Variants in SYT1 observed in about 807,000 individuals in gnomAD.
SYT1 encodes synaptotagmin 1, also known as synaptotagmin-1.
Under a neutral mutation model 44.8 loss-of-function variants are expected in SYT1, and 8 were observed. The observed-to-expected ratio is 0.18, with a 90% CI of 0.10 to 0.32. The LOEUF (loss-of-function observed/expected upper bound fraction) is 0.32, where lower values mean the gene tolerates loss of function less well. Among genes scored for constraint, SYT1 ranks in the 10% least tolerant of loss-of-function variants. The pLI, the probability that SYT1 is intolerant of heterozygous loss-of-function variation, is 1.00. For synonymous variants in SYT1, 154 were observed against 188.8 expected (o/e 0.82, Z 1.51); for missense variants, 286 against 509.3 (o/e 0.56, Z 4.22).
chr12:78,974,251 C>A (rs553190346), intron 1 of SYT1, among the ~76,000 whole-genome samples: 2 of 150,982 alleles, frequency 1.3e-5, no homozygotes, highest in African/African-American at 2.4e-5. Context: ...GTATTATAAG[C>A]TTATGAGACC....
intron 3 of SYT1, among the ~76,000 whole-genome samples, chr12:79,050,682 A>T (rs1485485508): frequency 6.6e-6 from 1 of 152,074 alleles, no homozygotes; most frequent in Non-Finnish European, 1.5e-5. Flanking sequence ...TCCTGAAAAA[A>T]CAAATATAGC....
At chr12:79,317,300 CCT>C (rs1396357781) in intron 8 of SYT1, among the ~76,000 whole-genome samples, 14 of 152,184 alleles carry the variant, frequency 9.2e-5, no homozygotes, top group Non-Finnish European at 1.5e-4. Flanking sequence ...GGAATAATTC[CCT>C]GTCAGCCTAC....
intron 4 of SYT1, among the ~76,000 whole-genome samples, chr12:79,253,775 C>T (rs1052073709): frequency 6.6e-6 from 1 of 152,050 alleles, no homozygotes; most frequent in Non-Finnish European, 1.5e-5. Context: ...AGGAAAAGTG[C>T]TACTCCACTG....
At chr12:79,223,749 T>C (rs1875315492) in intron 4 of SYT1, among the ~76,000 whole-genome samples, 1 of 152,182 alleles carries the variant, frequency 6.6e-6, no homozygotes, top group African/African-American at 2.4e-5. Context: ...AGCCTGGGGC[T>C]TTATGGTCCC....
intron 3 of SYT1, among the ~76,000 whole-genome samples, chr12:79,205,464 T>C (rs1874066976): frequency 6.6e-6 from 1 of 152,216 alleles, no homozygotes; most frequent in Non-Finnish European, 1.5e-5. Context: ...TGATATTTTA[T>C]TTATAGAGAA....
chr12:79,041,058 G>C (rs924911681), intron 2 of SYT1, among the ~76,000 whole-genome samples: 8 of 152,142 alleles, frequency 5.3e-5, no homozygotes, highest in African/African-American at 1.7e-4. Context: ...CAGGTAGTGT[G>C]ATGCCTCCAG....
chr12:78,934,341 C>T (rs936482844), intron 1 of SYT1, among the ~76,000 whole-genome samples: 1 of 151,738 alleles, frequency 6.6e-6, no homozygotes, highest in Non-Finnish European at 1.5e-5. Flanking sequence ...GGCAACAGGG[C>T]AAAAACCTAT....
chr12:79,013,005 C>CTG (rs1454503313), intron 2 of SYT1, among the ~76,000 whole-genome samples: 2 of 152,050 alleles, frequency 1.3e-5, no homozygotes, highest in African/African-American at 4.8e-5. Flanking sequence ...ACCTGGAGGT[C>CTG]TGTGCCACCT....
At chr12:79,332,442 ATATACT>A (rs59132636) in intron 8 of SYT1, among the ~76,000 whole-genome samples, 1,688 of 152,300 alleles carry the variant, frequency 0.011, 30 homozygotes, top group African/African-American at 0.039. Context: ...TGAATTCCAA[ATATACT>A]TAGAGATGAT....
rs564453198 is a variant in SYT1, at chr12:78,902,418, A to T, written c.-217+37309A>T. Among the ~76,000 whole-genome samples the T allele has an allele frequency of 2.0e-3, 301 of 152,198 alleles. 2 individuals are homozygous for T. Among genetic ancestry groups the T allele is most frequent in the African/African-American group, 7.1e-3 (294 of 41,560 alleles). On this transcript the variant is annotated intron_variant, in intron 1 of 10. Coordinates refer to ENST00000261205, the MANE Select transcript of SYT1 (RefSeq NM_005639.3). The stretch of plus-strand genomic sequence containing the variant: ...AGGGACATCTCTGTACCTTCCACAT[A>T]GGGCAATATAATAGGTCACAATTTA...
At chr12:79,278,810 T>A (rs948969727) in intron 4 of SYT1, among the ~76,000 whole-genome samples, 1 of 151,622 alleles carries the variant, frequency 6.6e-6, no homozygotes, top group South Asian at 2.1e-4. Flanking sequence ...CAATCAGAAA[T>A]GAAAATGAAG....
chr12:79,082,258 C>A (rs1051953736), intron 3 of SYT1, among the ~76,000 whole-genome samples: 1 of 151,996 alleles, frequency 6.6e-6, no homozygotes, highest in Non-Finnish European at 1.5e-5. Flanking sequence ...CCTTTGTCTT[C>A]TTTTCTGTAT....
chr12:78,970,737 A>G (rs1285642261), intron 1 of SYT1, among the ~76,000 whole-genome samples: 1 of 152,242 alleles, frequency 6.6e-6, no homozygotes, highest in East Asian at 1.9e-4. Flanking sequence ...CAAAGACATC[A>G]CTGAGTAACT....
chr12:78,885,196 T>G (rs1874664045), intron 1 of SYT1, among the ~76,000 whole-genome samples: 1 of 149,476 alleles, frequency 6.7e-6, no homozygotes, highest in African/African-American at 2.5e-5. Flanking sequence ...TACCTTTCAG[T>G]GGGGGCAGAA....
chr12:78,877,078 A>G (rs1028596563), intron 1 of SYT1, among the ~76,000 whole-genome samples: 33 of 148,832 alleles, frequency 2.2e-4, no homozygotes, highest in Admixed American at 1.4e-4. Flanking sequence ...TTTATAGAAT[A>G]TTTATTGAAT....
intron 3 of SYT1, among the ~76,000 whole-genome samples, chr12:79,137,316 G>A (rs749325783): frequency 2.2e-4 from 33 of 152,066 alleles, no homozygotes; most frequent in Middle Eastern, 3.4e-3. Context: ...AGCTGGTCTC[G>A]AACTCCTGGC....
chr12:78,949,316 A>C (rs1878838817), intron 1 of SYT1, among the ~76,000 whole-genome samples: 2 of 152,016 alleles, frequency 1.3e-5, no homozygotes, highest in South Asian at 4.1e-4. Context: ...CAAGATGGCT[A>C]TATTAAAATG....
chr12:79,411,572 T>C (rs1218215078), intron 9 of SYT1, among the ~76,000 whole-genome samples: 1 of 152,210 alleles, frequency 6.6e-6, no homozygotes, highest in Non-Finnish European at 1.5e-5. Context: ...TTTATTTATA[T>C]AAATCAAACC....
chr12:79,113,568 G>A lies in SYT1; in HGVS notation c.-18+66206G>A, dbSNP rs528754429. On this transcript the variant is annotated intron_variant, in intron 3 of 10. Coordinates refer to ENST00000261205, the MANE Select transcript of SYT1 (RefSeq NM_005639.3). ...GTAGTAGCATATTAAAGTCTAACATGTGCTACCTAAAAATAAAACCTATTT... is the reference window on the plus strand; with the variant it reads ...GTAGTAGCATATTAAAGTCTAACATATGCTACCTAAAAATAAAACCTATTT... Among the ~76,000 whole-genome samples, 7 of 152,102 alleles carry A rather than the reference G, an allele frequency of 4.6e-5. No homozygotes were observed. The South Asian group carries it at 1.4e-3, about 31-fold the overall frequency.
Sources: allele counts gnomAD v4.1 joint callset (sites outside exome capture counted in the v4.1 genomes callset), GRCh38; gene constraint gnomAD v4.1.1; transcripts MANE v1.5; gene names NCBI Gene and HGNC (gene_info 2026-07-23, HGNC 2026-07-21).